ANKRD36C: variants seen among roughly 807,000 people sequenced by gnomAD.
ANKRD36C encodes the protein ankyrin repeat domain-containing protein 36C.
In ANKRD36C, 61 loss-of-function variants were observed where a neutral mutation model predicts 276.4. The ratio of observed to expected loss-of-function variants is 0.22; its 90% CI spans 0.18 to 0.27. The LOEUF (loss-of-function observed/expected upper bound fraction) is 0.27, where lower values mean the gene tolerates loss of function less well. ANKRD36C is among the 10% of genes least tolerant of loss of function. The pLI is 1.00. For missense variants in ANKRD36C, 1,447 were observed against 2,032.3 expected, an observed-to-expected ratio of 0.71 and a Z score of 5.54; for synonymous variants, 483 against 680.1, an observed-to-expected ratio of 0.71 and a Z score of 4.51.
chr2:95,863,851 G>A (rs2104278335), intron 60 of ANKRD36C, among the ~76,000 whole-genome samples: 1 of 152,168 alleles, frequency 6.6e-6, no homozygotes, highest in South Asian at 2.1e-4. Flanking sequence ...CATAGGCAGA[G>A]CACAGAGGAT....
chr2:95,927,883 G>A (rs796396509), intron 26 of ANKRD36C, among the ~76,000 whole-genome samples: 1 of 151,600 alleles, frequency 6.6e-6, no homozygotes, highest in Non-Finnish European at 1.5e-5. Context: ...TCAGTTAAAT[G>A]TACACTTCAC....
At chr2:95,874,124 A>G (rs1675884646) in intron 59 of ANKRD36C, among the ~76,000 whole-genome samples, 1 of 152,154 alleles carries the variant, frequency 6.6e-6, no homozygotes, top group Admixed American at 6.5e-5. Flanking sequence ...TATAGATTCA[A>G]TGCCATCACC....
At chr2:95,914,602 A>G (rs183898644) in intron 38 of ANKRD36C, among the ~76,000 whole-genome samples, 74 of 151,638 alleles carry the variant, frequency 4.9e-4, no homozygotes, top group African/African-American at 1.7e-3. Flanking sequence ...AACATATGTG[A>G]TCTAAAATCA....
intron 5 of ANKRD36C, among the ~76,000 whole-genome samples, chr2:95,979,920 G>C (rs1182594695): frequency 1.3e-5 from 2 of 152,000 alleles, no homozygotes; most frequent in Admixed American, 1.3e-4. Context: ...CCAGGTAACA[G>C]AGCAAGGTTC....
chr2:95,875,998 A>C (rs1675944434), intron 59 of ANKRD36C: 1 of 441,972 alleles, frequency 2.3e-6, no homozygotes. Context: ...AAAGGAAAGT[A>C]AATTTTTAAC....
intron 26 of ANKRD36C, 78 bp downstream of exon 26, chr2:95,928,994 C>T (rs75729585): frequency 7.6e-6 from 12 of 1,588,900 alleles, no homozygotes; most frequent in East Asian, 6.7e-5. Flanking sequence ...AGACGAACTC[C>T]CCACTGATTT....
chr2:95,896,513 C>T (rs1280256056), intron 44 of ANKRD36C, among the ~76,000 whole-genome samples: 2 of 149,716 alleles, frequency 1.3e-5, no homozygotes, highest in African/African-American at 2.5e-5. Flanking sequence ...AGAGGTAGCT[C>T]CTTGAACAAG....
rs1301178192 is a variant in ANKRD36C at position 95,927,391 on chromosome 2, G to A, written c.1856C>T (p.Pro619Leu). The change falls in exon 27 of 67, where the codon CCA becomes CTA. Residue 619 changes from proline to leucine, a missense_variant. Physicochemically the swap from Pro to Leu is moderately conservative, Grantham distance 98 (BLOSUM62 -3). Transcript: ENST00000456556. ...TGAGTCTTTAATTACCTTCTCAGCT[G>A]GTTGTTTCTGAGAAGACACTGAAAA... 3.7e-6 allele frequency: 6 copies of A among 1,605,828 alleles called. No individual in the cohort carries two copies. In the African/African-American group the frequency reaches 8.0e-5, roughly 22 times the overall value.
At chr2:95,888,991 C>T (rs376247594) in intron 48 of ANKRD36C, among the ~76,000 whole-genome samples, 284 of 151,516 alleles carry the variant, frequency 1.9e-3, no homozygotes, top group African/African-American at 6.4e-3. Context: ...CATGCTATTC[C>T]CTAAAGAAGT....
rs1678582694 is a variant in ANKRD36C at position 95,965,974 on chromosome 2, A to G, written c.800-3427T>C. On this transcript the variant is annotated intron_variant, in intron 6 of 66. Coordinates refer to ENST00000456556, the Ensembl canonical transcript of ANKRD36C. ...TCTTTTTTAAAAAAAATTTAATTCA[A>G]GTTCTTGGTTACATGTCGTCAATAA... 4.6e-5 allele frequency among the ~76,000 whole-genome samples: 7 copies of G among 152,262 alleles called. No individual in the cohort carries two copies. The South Asian group carries it at 1.4e-3, about 32-fold the overall frequency.
Position 95,968,559 on chromosome 2 carries a change from T to C in ANKRD36C, c.800-6012A>G, listed in dbSNP as rs1368306625. Among the ~76,000 whole-genome samples the C allele has an allele frequency of 1.2e-4, 18 of 152,328 alleles. 1 individual carries two copies. The South Asian group carries it at 3.5e-3, about 30-fold the overall frequency. ...AAACACATATTCAACATGATGTTCC[T>C]CTTCTCTCACACCGCAACAACAATC... On this transcript the variant is annotated intron_variant, in intron 6 of 66. Coordinates refer to ENST00000456556, the Ensembl canonical transcript of ANKRD36C.
chr2:95,917,197 G>C (rs1677124636), intron 36 of ANKRD36C, among the ~76,000 whole-genome samples: 1 of 151,568 alleles, frequency 6.6e-6, no homozygotes, highest in South Asian at 2.1e-4. Flanking sequence ...AAGAAGTAAT[G>C]AGTCAGTGTG....
chr2:95,862,244 G>A (rs1232788752), intron 60 of ANKRD36C, among the ~76,000 whole-genome samples: 13 of 151,894 alleles, frequency 8.6e-5, no homozygotes, highest in East Asian at 7.7e-4. Context: ...AAGTACCCAC[G>A]GAACACTTAC....
chr2:95,921,902 C>G, intron 32 of ANKRD36C, 92 bp from the exon 33 acceptor site: 1 of 1,325,764 alleles, frequency 7.5e-7, no homozygotes, highest in Non-Finnish European at 1.0e-6. Flanking sequence ...ATCTGCCTGC[C>G]TGTATTAGTG....
At chr2:95,951,150 G>A (rs1328979339) in intron 15 of ANKRD36C, among the ~76,000 whole-genome samples, 198 bp downstream of exon 15, 1 of 152,346 alleles carries the variant, frequency 6.6e-6, no homozygotes, top group African/African-American at 2.4e-5. Context: ...GTGCACGCCT[G>A]TAATCCCAGC....
rs553278507 is a variant in ANKRD36C at position 95,946,199 on chromosome 2, A to G, written c.1363-1025T>C. ...AAAAACAATAAAATTCCAGCAACTT[A>G]ACACCTGGAGAAAGAATTTTTATTC... On this transcript the variant is annotated intron_variant, in intron 17 of 66. Transcript: ENST00000456556. Among the ~76,000 whole-genome samples, 21 of 151,256 alleles carry G rather than the reference A, an allele frequency of 1.4e-4. No individual in the cohort carries two copies. The South Asian group carries it at 4.2e-3, about 30-fold the overall frequency.
intron 1 of ANKRD36C, among the ~76,000 whole-genome samples, chr2:95,988,715 T>C (rs1234438015): frequency 7.9e-5 from 12 of 152,222 alleles, no homozygotes; most frequent in Non-Finnish European, 1.5e-4. Flanking sequence ...TAAACTAAAA[T>C]AATTAATTTA....
chr2:95,849,324 T>G (rs1675237141), downstream of ANKRD36C, among the ~76,000 whole-genome samples: 2 of 152,192 alleles, frequency 1.3e-5, no homozygotes, highest in Admixed American at 6.5e-5. Context: ...CCTCCCAAAG[T>G]GCTGAGAATA....
intron 63 of ANKRD36C, among the ~76,000 whole-genome samples, 189 bp downstream of exon 83, chr2:95,855,077 T>A (rs566554032): frequency 5.8e-4 from 89 of 152,324 alleles, no homozygotes; most frequent in African/African-American, 2.0e-3. Flanking sequence ...ACATTAACTT[T>A]AATCAGAGGA....
Sources: gnomAD v4.1 joint callset for allele counts (sites outside exome capture counted in the v4.1 genomes callset) on GRCh38, gnomAD v4.1.1 for gene constraint, MANE v1.5 for transcripts, NCBI Gene and HGNC (gene_info 2026-07-23, HGNC 2026-07-21) for gene names.